GALNT2: variants seen among roughly 807,000 people sequenced by gnomAD.
GALNT2 encodes polypeptide N-acetylgalactosaminyltransferase 2.
In GALNT2, 31 loss-of-function variants were observed where a neutral mutation model predicts 81.4. That is an observed-to-expected ratio of 0.38 (90% CI 0.29 to 0.51). The LOEUF (loss-of-function observed/expected upper bound fraction) is 0.51, where lower values mean the gene tolerates loss of function less well. GALNT2 is among the 20% of genes least tolerant of loss of function. The probability of loss-of-function intolerance (pLI) is 0.87; values close to 1 mark genes in which losing one functional copy is unlikely to be tolerated. For synonymous variants in GALNT2, 303 were observed against 287.4 expected, an observed-to-expected ratio of 1.05 and a Z score of -0.55; for missense variants, 629 against 765.7, an observed-to-expected ratio of 0.82 and a Z score of 2.11.
Position 230,150,802 on chromosome 1 carries a change from A to G in GALNT2, c.127-27416A>G, listed in dbSNP as rs1350298323. On this transcript the variant is annotated intron_variant, in intron 1 of 15. Coordinates refer to ENST00000366672, the MANE Select transcript of GALNT2 (RefSeq NM_004481.5). Reference sequence around the variant, plus strand: ...CCCACCCAGGGATTTGGCGTTCAGAATGGGGGCTTTGACTGCTTGGCCCTG... The same window carrying G: ...CCCACCCAGGGATTTGGCGTTCAGAGTGGGGGCTTTGACTGCTTGGCCCTG... Among the ~76,000 whole-genome samples, 3 of 152,330 alleles carry G rather than the reference A, an allele frequency of 2.0e-5. No homozygotes were observed. The East Asian group carries it at 5.8e-4, about 29-fold the overall frequency.
intron 2 of GALNT2, among the ~76,000 whole-genome samples, chr1:230,201,936 A>G (rs1663905873): frequency 6.6e-6 from 1 of 152,124 alleles, no homozygotes; most frequent in Non-Finnish European, 1.5e-5. Context: ...TAACAGCCTT[A>G]TGTTTCTTCA....
At chr1:230,146,995 G>C (rs1396722037) in intron 1 of GALNT2, among the ~76,000 whole-genome samples, 2 of 152,192 alleles carry the variant, frequency 1.3e-5, no homozygotes, top group Non-Finnish European at 2.9e-5. Flanking sequence ...GGAGGCAGGT[G>C]GGCCACTAGA....
intron 9 of GALNT2, among the ~76,000 whole-genome samples, 199 bp from the exon 10 acceptor site, chr1:230,250,258 G>A (rs1199813046): frequency 1.3e-5 from 2 of 152,232 alleles, no homozygotes; most frequent in Non-Finnish European, 2.9e-5. Context: ...GGGACAGTGG[G>A]GGAGGCATTT....
intron 3 of GALNT2, among the ~76,000 whole-genome samples, chr1:230,203,739 C>T (rs1436306682): frequency 6.6e-6 from 1 of 152,166 alleles, no homozygotes; most frequent in African/African-American, 2.4e-5. Context: ...CTACCCAGCA[C>T]AATAGATGTT....
chr1:230,252,050 G>A (rs569459109), intron 10 of GALNT2, among the ~76,000 whole-genome samples: 180 of 152,286 alleles, frequency 1.2e-3, no homozygotes, highest in South Asian at 4.8e-3. Context: ...AGGAAGGCTG[G>A]GGCATCTGTC....
chr1:230,208,607 C>T (rs1211767418), intron 3 of GALNT2, among the ~76,000 whole-genome samples: 2 of 152,250 alleles, frequency 1.3e-5, no homozygotes, highest in Non-Finnish European at 2.9e-5. Context: ...ACAGAAGAGG[C>T]CCAAGGCCTG....
chr1:230,137,863 T>A (rs1165089033), intron 1 of GALNT2, among the ~76,000 whole-genome samples: 2 of 152,260 alleles, frequency 1.3e-5, no homozygotes, highest in Non-Finnish European at 2.9e-5. Context: ...TCCTTTGATT[T>A]CTGTTGACGT....
At chr1:230,099,613 C>G (rs1212979140) in intron 1 of GALNT2, among the ~76,000 whole-genome samples, 1 of 152,256 alleles carries the variant, frequency 6.6e-6, no homozygotes, top group African/African-American at 2.4e-5. Context: ...CAAGTCAGTA[C>G]AAGCCTTTTA....
chr1:230,096,757 A>G (rs950830013), intron 1 of GALNT2, among the ~76,000 whole-genome samples: 26 of 152,236 alleles, frequency 1.7e-4, no homozygotes, highest in Non-Finnish European at 3.7e-4. Flanking sequence ...TCTGAATTAT[A>G]CATACAATCA....
chr1:230,214,155 C>T (rs1664315685), intron 3 of GALNT2, among the ~76,000 whole-genome samples: 1 of 151,912 alleles, frequency 6.6e-6, no homozygotes, highest in Non-Finnish European at 1.5e-5. Flanking sequence ...TCATGTTGCC[C>T]AGGCTGGAGT....
intron 6 of GALNT2, among the ~76,000 whole-genome samples, chr1:230,238,851 C>CTT (rs1665110870): frequency 6.6e-6 from 1 of 152,020 alleles, no homozygotes; most frequent in South Asian, 2.1e-4. Flanking sequence ...GTTTACTAGC[C>CTT]TTATAAAACA....
At chr1:230,183,930 A>G (rs950766605) in intron 2 of GALNT2, among the ~76,000 whole-genome samples, 4 of 151,988 alleles carry the variant, frequency 2.6e-5, no homozygotes, top group Non-Finnish European at 5.9e-5. Flanking sequence ...GTGAGCCGAG[A>G]TCGTACCACT....
At chr1:230,115,906 C>A (rs925843569) in intron 1 of GALNT2, among the ~76,000 whole-genome samples, 2 of 152,216 alleles carry the variant, frequency 1.3e-5, no homozygotes, top group Non-Finnish European at 2.9e-5. Context: ...ACTTTCTTTG[C>A]TCTTCCATGT....
At chr1:230,209,463 G>A (rs1188140535) in intron 3 of GALNT2, among the ~76,000 whole-genome samples, 3 of 152,182 alleles carry the variant, frequency 2.0e-5, no homozygotes, top group African/African-American at 7.2e-5. Flanking sequence ...AGGGCCACCT[G>A]CAAGCCAGGA....
chr1:230,084,092 CTG>C (rs1255936444), intron 1 of GALNT2, among the ~76,000 whole-genome samples: 2 of 152,184 alleles, frequency 1.3e-5, no homozygotes, highest in African/African-American at 4.8e-5. Flanking sequence ...CCTGGAGCCT[CTG>C]TGTAATTTTT....
chr1:230,067,631 C>CCCCCTCT (rs1318472683), intron 1 of GALNT2, among the ~76,000 whole-genome samples: 1 of 152,078 alleles, frequency 6.6e-6, no homozygotes, highest in African/African-American at 2.4e-5. Flanking sequence ...CCTTTCTCTG[C>CCCCCTCT]CCCCTCTCGT....
intron 1 of GALNT2, among the ~76,000 whole-genome samples, chr1:230,087,493 A>G (rs1482831197): frequency 6.6e-6 from 1 of 152,176 alleles, no homozygotes; most frequent in East Asian, 1.9e-4. Context: ...CCGCACTGTT[A>G]ACCAGCGGTT....
At chr1:230,219,322 G>A (rs551993520) in intron 3 of GALNT2, among the ~76,000 whole-genome samples, 16 of 152,134 alleles carry the variant, frequency 1.1e-4, no homozygotes, top group African/African-American at 3.1e-4. Flanking sequence ...AAAATTCCCC[G>A]TATGTTGCTC....
At chr1:230,232,051 A>G (rs1296859929) in intron 3 of GALNT2, among the ~76,000 whole-genome samples, 1 of 152,180 alleles carries the variant, frequency 6.6e-6, no homozygotes, top group Non-Finnish European at 1.5e-5. Context: ...TTCTTTCACT[A>G]GTTCTGGAGT....
Sources: allele counts gnomAD v4.1 joint callset (sites outside exome capture counted in the v4.1 genomes callset), GRCh38; gene constraint gnomAD v4.1.1; transcripts MANE v1.5; gene names NCBI Gene and HGNC (gene_info 2026-07-23, HGNC 2026-07-21).